Variants in ZFHX3 observed in about 807,000 individuals in gnomAD.
ZFHX3 encodes zinc finger homeobox 3, also known as zinc finger homeobox protein 3.
ZFHX3 carries 42 observed loss-of-function variants against 279.1 expected under a neutral mutation model. That is an observed-to-expected ratio of 0.15 (90% CI 0.12 to 0.19). The LOEUF (loss-of-function observed/expected upper bound fraction) is 0.19. Among genes scored for constraint, ZFHX3 ranks in the 10% least tolerant of loss-of-function variants. The probability of loss-of-function intolerance (pLI) is 1.00; values close to 1 mark genes in which losing one functional copy is unlikely to be tolerated. For synonymous variants in ZFHX3, 2,293 were observed against 1,957.8 expected (o/e 1.17, Z -4.52); for missense variants, 4,981 against 4,754.0 (o/e 1.05, Z -1.40).
At chr16:73,627,976 G>A (rs937143166) in intron 2 of ZFHX3, among the ~76,000 whole-genome samples, 1 of 152,164 alleles carries the variant, frequency 6.6e-6, no homozygotes, top group Non-Finnish European at 1.5e-5. Context: ...GTAGCATGAA[G>A]AGGCAGGTTA....
chr16:73,673,585 G>A (rs1011676454), intron 2 of ZFHX3, among the ~76,000 whole-genome samples: 4 of 91,738 alleles, frequency 4.4e-5, no homozygotes, highest in Non-Finnish European at 8.0e-5. Flanking sequence ...ACTATTTCAT[G>A]AGAAACTAGA....
At chr16:73,156,214 A>G (rs1967078807) in intron 5 of ZFHX3, among the ~76,000 whole-genome samples, 2 of 143,586 alleles carry the variant, frequency 1.4e-5, no homozygotes, top group South Asian at 2.4e-4. Context: ...CCTGGGCGAC[A>G]GAGTGAGACT....
chr16:73,597,980 G>T (rs2052070005), intron 2 of ZFHX3, among the ~76,000 whole-genome samples: 1 of 152,116 alleles, frequency 6.6e-6, no homozygotes, highest in East Asian at 1.9e-4. Context: ...TGACATTATT[G>T]CTATGACTGT....
At chr16:73,314,979 G>A (rs2015411381) in intron 4 of ZFHX3, among the ~76,000 whole-genome samples, 1 of 152,186 alleles carries the variant, frequency 6.6e-6, no homozygotes, top group South Asian at 2.1e-4. Context: ...TGTAATTCCA[G>A]CACTTTGGGA....
chr16:73,487,728 C>T (rs72799501), intron 2 of ZFHX3: 3,030 of 165,280 alleles, frequency 0.018, 42 homozygotes, highest in Middle Eastern at 0.035. Flanking sequence ...AGCCTCCTCC[C>T]GCACTAACTC....
At chr16:72,877,745 C>A (rs997432947) in intron 4 of ZFHX3, among the ~76,000 whole-genome samples, 1 of 152,184 alleles carries the variant, frequency 6.6e-6, no homozygotes, top group Admixed American at 6.5e-5. Context: ...CAGACAAGCA[C>A]GTGCGTGGAT....
intron 1 of ZFHX3, among the ~76,000 whole-genome samples, chr16:73,830,474 G>C (rs1039532472): frequency 4.6e-5 from 7 of 152,210 alleles, no homozygotes; most frequent in Non-Finnish European, 8.8e-5. Context: ...AGGGTTAACT[G>C]TGGCAAGCTA....
intron 1 of ZFHX3, among the ~76,000 whole-genome samples, chr16:73,884,707 G>C (rs1180100812): frequency 6.6e-6 from 1 of 152,098 alleles, no homozygotes; most frequent in African/African-American, 2.4e-5. Flanking sequence ...GTAATAAATA[G>C]ACTATGCTTC....
intron 2 of ZFHX3, among the ~76,000 whole-genome samples, chr16:73,620,673 C>A (rs898089097): frequency 1.3e-5 from 2 of 152,152 alleles, no homozygotes; most frequent in African/African-American, 4.8e-5. Flanking sequence ...GACGACAATA[C>A]CTTAGGGACC....
At chr16:72,948,499 C>T (rs539517011) in intron 3 of ZFHX3, among the ~76,000 whole-genome samples, 1 of 152,252 alleles carries the variant, frequency 6.6e-6, no homozygotes, top group East Asian at 1.9e-4. Flanking sequence ...GGGTGTGATC[C>T]GTGGACACAG....
chr16:72,845,129 G>A (rs562673842), intron 4 of ZFHX3, among the ~76,000 whole-genome samples: 7 of 152,322 alleles, frequency 4.6e-5, no homozygotes, highest in African/African-American at 1.7e-4. Context: ...TTCTGGAAAA[G>A]CAGCTCCAAG....
chr16:73,633,090 A>T (rs896734741), intron 2 of ZFHX3, among the ~76,000 whole-genome samples: 1 of 152,230 alleles, frequency 6.6e-6, no homozygotes, highest in African/African-American at 2.4e-5. Context: ...AAAAGAAAAA[A>T]AATAAGAAAG....
In ZFHX3 at chr16:72,864,613, C is replaced by G. The variant is rs1461348919; in HGVS notation, c.3448+25118G>C. Among the ~76,000 whole-genome samples, 4 of 152,122 alleles carry G rather than the reference C, an allele frequency of 2.6e-5. 1 individual carries two copies. Among genetic ancestry groups the G allele is most frequent in the Admixed American group, 6.5e-5 (1 of 15,268 alleles). On this transcript the variant is annotated intron_variant, in intron 4 of 9. Coordinates refer to ENST00000268489, the MANE Select transcript of ZFHX3 (RefSeq NM_006885.4). ...TTCTCTAAACTTGTGAATGAAGCAC[C>G]AAATACCATGGACAGAGCAGCAGTT...
chr16:73,466,987 G>T (rs1276707022), intron 2 of ZFHX3, among the ~76,000 whole-genome samples: 1 of 152,154 alleles, frequency 6.6e-6, no homozygotes, highest in South Asian at 2.1e-4. Context: ...GGTTGAGCGT[G>T]ACAGACCTGA....
chr16:72,942,941 C>A (rs1422961837), intron 3 of ZFHX3, among the ~76,000 whole-genome samples: 3 of 152,220 alleles, frequency 2.0e-5, no homozygotes, highest in Non-Finnish European at 4.4e-5. Context: ...GTTTGGTCCA[C>A]AGACTCCAAA....
At chr16:73,756,868 G>A (rs1271579068) in intron 1 of ZFHX3, among the ~76,000 whole-genome samples, 2 of 152,006 alleles carry the variant, frequency 1.3e-5, no homozygotes, top group African/African-American at 4.8e-5. Context: ...TGCCGTGTAT[G>A]TTATTTATGA....
At chr16:72,789,975 C>T (rs1048147538) in intron 9 of ZFHX3, 1 of 152,304 alleles carries the variant, frequency 6.6e-6, no homozygotes, top group Non-Finnish European at 1.5e-5. Context: ...CTATGGATAG[C>T]AAAGGTCTGA....
intron 1 of ZFHX3, among the ~76,000 whole-genome samples, chr16:73,733,870 G>A (rs1227344142): frequency 6.6e-6 from 1 of 152,198 alleles, no homozygotes; most frequent in Non-Finnish European, 1.5e-5. Flanking sequence ...TATTAGTGAT[G>A]AGAGTTCAAA....
chr16:73,318,978 C>T (rs2143189956), intron 3 of ZFHX3, among the ~76,000 whole-genome samples: 1 of 152,194 alleles, frequency 6.6e-6, no homozygotes, highest in Non-Finnish European at 1.5e-5. Context: ...CACCCCACCC[C>T]ACACTTGTCT....
Sources: allele counts gnomAD v4.1 joint callset (sites outside exome capture counted in the v4.1 genomes callset), GRCh38; gene constraint gnomAD v4.1.1; transcripts MANE v1.5; gene names NCBI Gene and HGNC (gene_info 2026-07-23, HGNC 2026-07-21).